Variants in RPS6KC1 observed in about 807,000 individuals in gnomAD.
RPS6KC1 encodes inactive ribosomal protein S6 kinase delta-1.
RPS6KC1 carries 54 observed loss-of-function variants against 103.8 expected under a neutral mutation model. The observed-to-expected ratio is 0.52, with a 90% CI of 0.42 to 0.65. RPS6KC1 has a LOEUF of 0.65. Among genes scored for constraint, RPS6KC1 ranks in the 30% least tolerant of loss-of-function variants. The pLI, the probability that RPS6KC1 is intolerant of heterozygous loss-of-function variation, is 0.00. For synonymous variants in RPS6KC1, 439 were observed against 438.7 expected, an observed-to-expected ratio of 1.00 and a Z score of -0.01; for missense variants, 1,151 against 1,253.8, an observed-to-expected ratio of 0.92 and a Z score of 1.24.
chr1:213,849,132 A>C, the RPS6KC1 span, among the ~76,000 whole-genome samples: 1 of 152,190 alleles, frequency 6.6e-6, no homozygotes, highest in Non-Finnish European at 1.5e-5. Flanking sequence ...TAAAGTTTGC[A>C]CTTCTGAGCT....
At chr1:213,799,508 A>T in the RPS6KC1 span, among the ~76,000 whole-genome samples, 1 of 152,200 alleles carries the variant, frequency 6.6e-6, no homozygotes, top group Admixed American at 6.5e-5. Flanking sequence ...GATGAATGTG[A>T]TGATAGTTAA....
chr1:213,745,861 G>A, the RPS6KC1 span, among the ~76,000 whole-genome samples: 131 of 152,022 alleles, frequency 8.6e-4, no homozygotes, highest in Non-Finnish European at 1.6e-3. Flanking sequence ...CCACCACAAG[G>A]AGAGGGGTAT....
At chr1:213,259,954 G>A (rs959868204) in intron 12 of RPS6KC1, among the ~76,000 whole-genome samples, 1 of 152,030 alleles carries the variant, frequency 6.6e-6, no homozygotes, top group East Asian at 1.9e-4. Context: ...GGCCAGGCTG[G>A]TCCTGAACCT....
chr1:213,560,891 G>C, the RPS6KC1 span, among the ~76,000 whole-genome samples: 1 of 152,192 alleles, frequency 6.6e-6, no homozygotes, highest in Non-Finnish European at 1.5e-5. Context: ...TTTTGCCCCA[G>C]ATGGAGATAC....
At chr1:213,645,499 A>G in the RPS6KC1 span, among the ~76,000 whole-genome samples, 1 of 152,174 alleles carries the variant, frequency 6.6e-6, no homozygotes, top group Admixed American at 6.6e-5. Flanking sequence ...GAGGATCCTT[A>G]AAATTTAGCC....
chr1:213,255,966 AG>A (rs1257651831), intron 12 of RPS6KC1, among the ~76,000 whole-genome samples: 4 of 152,234 alleles, frequency 2.6e-5, no homozygotes, highest in Non-Finnish European at 4.4e-5. Context: ...CTTGATATAA[AG>A]TCATTTTGAA....
the RPS6KC1 span, among the ~76,000 whole-genome samples, chr1:213,844,965 G>T: frequency 6.6e-6 from 1 of 151,804 alleles, no homozygotes; most frequent in African/African-American, 2.4e-5. Context: ...CACATTACGG[G>T]AAATACAGCC....
the RPS6KC1 span, among the ~76,000 whole-genome samples, chr1:213,288,430 G>A: frequency 6.6e-6 from 1 of 152,214 alleles, no homozygotes; most frequent in African/African-American, 2.4e-5. Flanking sequence ...AATGGTTTCT[G>A]ATCTTAAGTA....
the RPS6KC1 span, among the ~76,000 whole-genome samples, chr1:213,695,386 A>C: frequency 6.6e-6 from 1 of 152,164 alleles, no homozygotes; most frequent in Non-Finnish European, 1.5e-5. Flanking sequence ...ACCTGTGAAG[A>C]AGTCACTGGA....
chr1:213,451,785 C>G, the RPS6KC1 span, among the ~76,000 whole-genome samples: 2 of 152,180 alleles, frequency 1.3e-5, no homozygotes, highest in Non-Finnish European at 2.9e-5. Flanking sequence ...TGAGCTGGGG[C>G]AAGAACCCAG....
chr1:213,074,843 ATTTTTTTTTTTTTTTT>A lies in RPS6KC1; in HGVS notation c.142-2838_142-2823del, dbSNP rs752747801. ...TTTAAAAATGACTTAACTAGAATAA[ATTTTTTTTTTTTTTTT>A]TTTTTTTTTTTTTTACGGAGTCTCG... On this transcript the variant is annotated intron_variant, in intron 2 of 14. Coordinates refer to ENST00000366960, the MANE Select transcript of RPS6KC1 (RefSeq NM_012424.6). 9.5e-4 allele frequency among the ~76,000 whole-genome samples: 68 copies of A among 71,324 alleles called. 1 individual carries two copies. The highest frequency in any genetic ancestry group is 1.3e-3 in the Non-Finnish European group (51 of 40,434). The allele number at this position is 71,324 out of a possible 152,430, so 46.8% of individuals were successfully genotyped here. A position where few individuals can be genotyped will look rare whatever the true frequency, so the allele number is the denominator to read the frequency against.
chr1:213,107,805 T>C (rs113663747), intron 4 of RPS6KC1, among the ~76,000 whole-genome samples: 1,586 of 152,350 alleles, frequency 0.01, 31 homozygotes, highest in African/African-American at 0.036. Flanking sequence ...TGGTATTGTC[T>C]GATTTTTTAA....
intron 8 of RPS6KC1, among the ~76,000 whole-genome samples, chr1:213,216,491 G>T (rs895173465): frequency 4.6e-5 from 7 of 152,164 alleles, no homozygotes; most frequent in African/African-American, 1.7e-4. Context: ...GGATACCCAG[G>T]AATTGAACTC....
the RPS6KC1 span, among the ~76,000 whole-genome samples, chr1:213,690,634 A>ACAGT: frequency 6.6e-6 from 1 of 152,202 alleles, no homozygotes; most frequent in African/African-American, 2.4e-5. Flanking sequence ...CTTGGGCTTT[A>ACAGT]CAGTCAAGCA....
chr1:213,127,690 A>G (rs1365711852), intron 5 of RPS6KC1, among the ~76,000 whole-genome samples: 5 of 152,222 alleles, frequency 3.3e-5, no homozygotes. Context: ...ATAAAATTGG[A>G]GTTTTCAATT....
At chr1:213,575,230 T>C in the RPS6KC1 span, among the ~76,000 whole-genome samples, 1 of 152,166 alleles carries the variant, frequency 6.6e-6, no homozygotes, top group African/African-American at 2.4e-5. Context: ...TGAAGCACAT[T>C]GATGTGTGCC....
rs543360527 is a variant in RPS6KC1 at position 213,256,325 on chromosome 1, A to C, written c.2912-5233A>C. On this transcript the variant is annotated intron_variant, in intron 12 of 14. Transcript: ENST00000366960. ...GGAAAATGGGGAGTGAAAGAGGTAG[A>C]CTGTGGTTGACAGCTTAGCTAAAGT... Among the ~76,000 whole-genome samples, 71 of 152,218 alleles carry C rather than the reference A, an allele frequency of 4.7e-4. 1 individual carries two copies. In the South Asian group the frequency reaches 0.014, roughly 30 times the overall value.
At chr1:213,304,646 G>A in the RPS6KC1 span, among the ~76,000 whole-genome samples, 3 of 151,832 alleles carry the variant, frequency 2.0e-5, no homozygotes, top group African/African-American at 4.8e-5. Flanking sequence ...GGGTTCAAGC[G>A]ATTCTCTTGC....
the RPS6KC1 span, among the ~76,000 whole-genome samples, chr1:213,336,278 G>A: frequency 6.6e-6 from 1 of 152,180 alleles, no homozygotes; most frequent in East Asian, 1.9e-4. Flanking sequence ...AAAGTGGTGA[G>A]CTGATTTGGT....
Sources: gnomAD v4.1 joint callset for allele counts (sites outside exome capture counted in the v4.1 genomes callset) on GRCh38, gnomAD v4.1.1 for gene constraint, MANE v1.5 for transcripts, NCBI Gene and HGNC (gene_info 2026-07-23, HGNC 2026-07-21) for gene names.